ITGBL1: variants seen among roughly 807,000 people sequenced by gnomAD.
ITGBL1 encodes integrin beta-like protein 1.
In ITGBL1, 51 loss-of-function variants were observed where a neutral mutation model predicts 68.5. The ratio of observed to expected loss-of-function variants is 0.74; its 90% confidence interval spans 0.59 to 0.94. The LOEUF (loss-of-function observed/expected upper bound fraction) is 0.94. ITGBL1 is among the 40% of genes least tolerant of loss of function. The pLI, the probability that ITGBL1 is intolerant of heterozygous loss-of-function variation, is 0.00. For missense variants in ITGBL1, 649 were observed against 647.4 expected (o/e 1.00, Z -0.03); for synonymous variants, 209 against 227.3 (o/e 0.92, Z 0.72).
At chr13:101,522,025 G>A (rs2049294325) in intron 2 of ITGBL1, among the ~76,000 whole-genome samples, 1 of 151,930 alleles carries the variant, frequency 6.6e-6, no homozygotes, top group Admixed American at 6.6e-5. Flanking sequence ...AAGAGAGAGG[G>A]AGGAAGAGGG....
chr13:101,626,590 C>A (rs2031787154), intron 7 of ITGBL1, among the ~76,000 whole-genome samples: 2 of 152,036 alleles, frequency 1.3e-5, no homozygotes, highest in South Asian at 4.1e-4. Context: ...TTGTGACAGT[C>A]CTTTGCATAT....
chr13:101,677,536 A>C (rs1450320731), intron 7 of ITGBL1, among the ~76,000 whole-genome samples: 1 of 152,186 alleles, frequency 6.6e-6, no homozygotes, highest in African/African-American at 2.4e-5. Context: ...TAGCACTTAT[A>C]AGTGGTAGAT....
At chr13:101,583,617 C>T (rs757338712) in intron 6 of ITGBL1, among the ~76,000 whole-genome samples, 12 of 152,086 alleles carry the variant, frequency 7.9e-5, no homozygotes, top group South Asian at 2.1e-4. Context: ...ATTGCATGCC[C>T]GTATCAAAAC....
chr13:101,656,237 G>C (rs923231071), intron 7 of ITGBL1, among the ~76,000 whole-genome samples: 6 of 152,074 alleles, frequency 3.9e-5, no homozygotes, highest in Non-Finnish European at 8.8e-5. Flanking sequence ...AGATGTCAAA[G>C]GTTTCCCATT....
chr13:101,686,259 TC>T (rs2033752390), intron 7 of ITGBL1, among the ~76,000 whole-genome samples: 1 of 152,144 alleles, frequency 6.6e-6, no homozygotes, highest in African/African-American at 2.4e-5. Flanking sequence ...AGCCTCCTTT[TC>T]CTCCTCCTTA....
chr13:101,503,001 T>C (rs2048968371), intron 2 of ITGBL1, among the ~76,000 whole-genome samples: 1 of 152,212 alleles, frequency 6.6e-6, no homozygotes, highest in South Asian at 2.1e-4. Context: ...TCTTGGGAAC[T>C]TATTTTATGT....
intron 7 of ITGBL1, among the ~76,000 whole-genome samples, chr13:101,667,450 G>T (rs1165243368): frequency 1.3e-5 from 2 of 150,182 alleles, no homozygotes; most frequent in African/African-American, 4.9e-5. Flanking sequence ...AAACAGCAAG[G>T]AATTAATCCT....
At chr13:101,677,956 G>A (rs1405354310) in intron 7 of ITGBL1, among the ~76,000 whole-genome samples, 3 of 152,166 alleles carry the variant, frequency 2.0e-5, no homozygotes, top group East Asian at 1.9e-4. Flanking sequence ...TATAAAATGT[G>A]TGAGTAGGTG....
At chr13:101,487,279 G>A (rs1051796897) in intron 2 of ITGBL1, among the ~76,000 whole-genome samples, 5 of 152,128 alleles carry the variant, frequency 3.3e-5, no homozygotes, top group Admixed American at 2.6e-4. Context: ...AGGAACACAG[G>A]AAATTATATG....
intron 7 of ITGBL1, among the ~76,000 whole-genome samples, chr13:101,657,923 A>G (rs987659204): frequency 4.6e-5 from 7 of 152,198 alleles, no homozygotes; most frequent in African/African-American, 9.6e-5. Context: ...CACACAAGAG[A>G]AAGAAGTGCA....
chr13:101,680,925 A>C (rs2139526542), intron 7 of ITGBL1, among the ~76,000 whole-genome samples: 1 of 152,272 alleles, frequency 6.6e-6, no homozygotes, highest in Middle Eastern at 3.4e-3. Context: ...ACTTAAACAA[A>C]CACATTAAGA....
chr13:101,680,256 A>G (rs1277782995), intron 7 of ITGBL1, among the ~76,000 whole-genome samples: 1 of 152,202 alleles, frequency 6.6e-6, no homozygotes, highest in Admixed American at 6.5e-5. Context: ...TGCATTTGGC[A>G]GGCGCTTTCT....
intron 7 of ITGBL1, among the ~76,000 whole-genome samples, chr13:101,640,961 C>G (rs1376494510): frequency 2.6e-5 from 4 of 152,158 alleles, no homozygotes; most frequent in Admixed American, 6.6e-5. Context: ...TCCATCATTA[C>G]TTATTTAGTA....
intron 2 of ITGBL1, among the ~76,000 whole-genome samples, chr13:101,510,240 TGTAA>T (rs928717295): frequency 1.3e-5 from 2 of 152,124 alleles, no homozygotes; most frequent in African/African-American, 2.4e-5. Flanking sequence ...AGCTTCCACT[TGTAA>T]GTGAGAACAT....
intron 2 of ITGBL1, among the ~76,000 whole-genome samples, chr13:101,481,787 C>A (rs1291787219): frequency 6.6e-6 from 1 of 151,950 alleles, no homozygotes; most frequent in African/African-American, 2.4e-5. Context: ...TTTTATTTTT[C>A]CCCATTTAAT....
chr13:101,542,785 G>A (rs1464252820), intron 2 of ITGBL1, among the ~76,000 whole-genome samples: 1 of 152,162 alleles, frequency 6.6e-6, no homozygotes, highest in East Asian at 1.9e-4. Context: ...TCTTCTTGTT[G>A]AACTGATCCC....
In ITGBL1 at chr13:101,481,076, A is replaced by G. The variant is rs965952490; in HGVS notation, c.316+26976A>G. ...TAACTATATACACACACATACATATATATACACACATATATATACACACAC... is the reference window on the plus strand; with the variant it reads ...TAACTATATACACACACATACATATGTATACACACATATATATACACACAC... On this transcript the variant is annotated intron_variant, in intron 2 of 10. Coordinates refer to ENST00000376180, the MANE Select transcript of ITGBL1 (RefSeq NM_004791.3). Among the ~76,000 whole-genome samples the G allele has an allele frequency of 8.3e-5, 3 of 35,938 alleles. No individual in the cohort carries two copies. The Admixed American group carries it at 1.1e-3, about 13-fold the overall frequency. The allele number at this position is 35,938 out of a possible 152,430, so 23.6% of individuals were successfully genotyped here. A position where few individuals can be genotyped will look rare whatever the true frequency, so the allele number is the denominator to read the frequency against.
chr13:101,529,215 C>T (rs982725676), intron 2 of ITGBL1, among the ~76,000 whole-genome samples: 1 of 150,452 alleles, frequency 6.6e-6, no homozygotes, highest in East Asian at 1.9e-4. Flanking sequence ...GAAATTGAAA[C>T]GTGGAATATG....
At chr13:101,491,984 A>G (rs927631063) in intron 2 of ITGBL1, among the ~76,000 whole-genome samples, 28 of 152,154 alleles carry the variant, frequency 1.8e-4, no homozygotes, top group African/African-American at 6.8e-4. Flanking sequence ...ATGGCTGCAT[A>G]GTATTCCATA....
Sources: gnomAD v4.1 joint callset for allele counts (sites outside exome capture counted in the v4.1 genomes callset) on GRCh38, gnomAD v4.1.1 for gene constraint, MANE v1.5 for transcripts, NCBI Gene and HGNC (gene_info 2026-07-23, HGNC 2026-07-21) for gene names.